The following HDC variants were observed in gnomAD, a reference collection of about 807,000 sequenced individuals.
HDC encodes histidine decarboxylase.
A neutral mutation model predicts 64.4 loss-of-function variants in HDC; 27 were observed. The ratio of observed to expected loss-of-function variants is 0.42; its 90% CI spans 0.31 to 0.58. HDC has a LOEUF of 0.58. Among genes scored for constraint, HDC ranks in the 20% least tolerant of loss-of-function variants. The pLI is 0.16. For synonymous variants in HDC, 305 were observed against 314.2 expected (o/e 0.97, Z 0.31); for missense variants, 711 against 833.9 (o/e 0.85, Z 1.81).
intron 9 of HDC, among the ~76,000 whole-genome samples, chr15:50,249,780 C>T (rs562661586): frequency 6.6e-6 from 1 of 152,334 alleles, no homozygotes; most frequent in East Asian, 1.9e-4. Flanking sequence ...GAGAGAGCTA[C>T]TTTATTTTAC....
chr15:50,265,670 G>T lies in HDC; in HGVS notation c.-47C>A. 2 of 1,602,416 alleles carry T rather than the reference G, an allele frequency of 1.2e-6. No homozygotes were observed. Among genetic ancestry groups the T allele is most frequent in the South Asian group, 2.2e-5 (2 of 90,684 alleles). On this transcript the variant is annotated 5_prime_UTR_variant, in exon 1 of 12. Coordinates refer to ENST00000267845, the MANE Select transcript of HDC (RefSeq NM_002112.4). ...TCTCACAGATGGACACGCAGGAGGT[G>T]GAAGGCGTGAAAGGCGTGGAGCAGC...
chr15:50,254,987 C>T lies in HDC; in HGVS notation c.442-323G>A, dbSNP rs148722077. The stretch of plus-strand genomic sequence containing the variant: ...CTGTCCCTCCTGGATGTGTTTGCTC[C>T]CCATGTAAAACATATTTAAAAGAAG... On this transcript the variant is annotated intron_variant, in intron 4 of 11. Coordinates refer to ENST00000267845, the MANE Select transcript of HDC (RefSeq NM_002112.4). Among the ~76,000 whole-genome samples, 115 of 152,230 alleles carry T rather than the reference C, an allele frequency of 7.6e-4. 2 individuals carry two copies. The East Asian group carries it at 0.019, about 25-fold the overall frequency.
intron 10 of HDC, among the ~76,000 whole-genome samples, chr15:50,243,665 T>G (rs2045435461): frequency 6.6e-6 from 1 of 152,252 alleles, no homozygotes. Context: ...AAGGAAGAGA[T>G]GCCTGTTTGT....
At chr15:50,262,114 C>A (rs2045712263) in intron 2 of HDC, among the ~76,000 whole-genome samples, 2 of 151,922 alleles carry the variant, frequency 1.3e-5, no homozygotes, top group South Asian at 4.1e-4. Context: ...CACAAATGCC[C>A]CAAGCAGGGA....
At chr15:50,255,733 G>GATCC (rs2045621422) in intron 4 of HDC, among the ~76,000 whole-genome samples, 1 of 152,188 alleles carries the variant, frequency 6.6e-6, no homozygotes, top group Non-Finnish European at 1.5e-5. Flanking sequence ...CCAGGAGATG[G>GATCC]AGGCTGCAGT....
intron 1 of HDC, 139 bp downstream of exon 1, chr15:50,265,454 A>T (rs1421703490): frequency 9.1e-6 from 7 of 768,288 alleles, no homozygotes; most frequent in East Asian, 2.6e-5. Flanking sequence ...CAGAAAAAAA[A>T]ATGTTGCTGG....
chr15:50,253,362 C>T (rs1299079076), intron 7 of HDC: 10 of 579,778 alleles, frequency 1.7e-5, no homozygotes, highest in African/African-American at 5.6e-5. Flanking sequence ...CTCCTACTGT[C>T]GCCTCCTAGG....
At chr15:50,247,450 G>C (rs1009855216) in intron 10 of HDC, among the ~76,000 whole-genome samples, 1 of 152,028 alleles carries the variant, frequency 6.6e-6, no homozygotes, top group Non-Finnish European at 1.5e-5. Context: ...ATTTTGGTTT[G>C]TGTTTGTTTA....
intron 11 of HDC, 36 bp downstream of exon 11, chr15:50,243,107 A>G (rs527602471): frequency 1.2e-6 from 2 of 1,611,150 alleles, no homozygotes; most frequent in East Asian, 2.2e-5. Context: ...GCACCACAAG[A>G]CATCATTCAC....
intron 9 of HDC, 64 bp downstream of exon 9, chr15:50,252,366 T>C: frequency 7.7e-7 from 1 of 1,303,896 alleles, no homozygotes; most frequent in Non-Finnish European, 1.1e-6. Flanking sequence ...TTTTGGGGGG[T>C]CAGACGCCTA....
At position 50,254,230 on chromosome 15, in the gene HDC, T is replaced by G; in HGVS notation, c.620A>C (p.Lys207Thr). The G allele has an allele frequency of 6.2e-7, 1 of 1,614,212 alleles. No individual in the cohort carries two copies. The highest frequency in any genetic ancestry group is 1.1e-5 in the South Asian group (1 of 91,086). Residue 207 changes from lysine (K) to threonine (T), a missense_variant, in exon 6 of 12, where the codon AAG becomes ACG. Coordinates refer to ENST00000267845, the MANE Select transcript of HDC (RefSeq NM_002112.4). ...VEKAGLISLVKMKFLPVDDNF... is the reference protein window; with the variant it reads ...VEKAGLISLVTMKFLPVDDNF... ...GTCATCCACAGGCAGAAATTTCATCTTCACAAGGGAAATCAAACCAGCCTT... is the reference window on the plus strand; with the variant it reads ...GTCATCCACAGGCAGAAATTTCATCGTCACAAGGGAAATCAAACCAGCCTT...
chr15:50,242,743 A>G lies in HDC; in HGVS notation c.1506T>C (p.Cys502=). ...CACTGACAGACTGAAGGGACGTTCCACAGGCCCAGGCTCTGGCACCCCTGA... is the reference window on the plus strand; with the variant it reads ...CACTGACAGACTGAAGGGACGTTCCGCAGGCCCAGGCTCTGGCACCCCTGA... ...SQIRGARAWA[C]GTSLQSVSGA... The change falls in exon 12 of 12, where the codon TGT becomes TGC. Residue 502 remains cysteine, a synonymous_variant. Coordinates refer to ENST00000267845, the MANE Select transcript of HDC (RefSeq NM_002112.4). The G allele has an allele frequency of 6.2e-7, 1 of 1,613,996 alleles. No homozygotes were observed. Among genetic ancestry groups the G allele is most frequent in the Non-Finnish European group, 8.5e-7 (1 of 1,180,014 alleles).
intron 2 of HDC, among the ~76,000 whole-genome samples, chr15:50,260,879 C>G (rs563365267): frequency 6.6e-6 from 1 of 152,056 alleles, no homozygotes; most frequent in East Asian, 1.9e-4. Context: ...ATTGTCTAAC[C>G]AGGGTTGGAA....
At position 50,258,500 on chromosome 15, in the gene HDC, G is replaced by C. The variant is rs777030044; in HGVS notation, c.222C>G (p.Ser74Arg). ...IIMPGVVHWQ[S>R]PHMHAYYPAL... ...CTGGGTAGTAGGCGTGCATATGGGG[G>C]CTCTGCCAATGTACCACCTGGAGGC... The change falls in exon 3 of 12, where the codon AGC (serine) becomes AGG (arginine). Residue 74 changes from serine (S) to arginine (R), a missense_variant. Ser to Arg is a moderately radical substitution (Grantham distance 110). This residue lies in a region of HDC where 225 missense variants were observed against 276.2 expected (regional missense o/e 0.81). Coordinates refer to ENST00000267845, the MANE Select transcript of HDC (RefSeq NM_002112.4). 6.2e-7 allele frequency: 1 copy of C among 1,611,682 alleles called. No individual in the cohort carries two copies. The highest frequency in any genetic ancestry group is 8.5e-7 in the Non-Finnish European group (1 of 1,177,904).
intron 3 of HDC, among the ~76,000 whole-genome samples, chr15:50,258,139 T>C (rs1216953706): frequency 6.6e-6 from 1 of 152,226 alleles, no homozygotes; most frequent in African/African-American, 2.4e-5. Flanking sequence ...GTCTTATCTG[T>C]GTCTCTATGA....
intron 4 of HDC, among the ~76,000 whole-genome samples, chr15:50,254,937 C>G (rs1220018539): frequency 6.6e-6 from 1 of 152,132 alleles, no homozygotes; most frequent in Non-Finnish European, 1.5e-5. Flanking sequence ...ATTACAGAGG[C>G]CACAGAAACC....
At chr15:50,263,182 C>G (rs998168048) in intron 2 of HDC, 53 bp downstream of exon 2, 66 of 1,580,946 alleles carry the variant, frequency 4.2e-5, no homozygotes, top group Non-Finnish European at 5.2e-5. Context: ...GGCCACCACC[C>G]ACCCTTCTGT....
chr15:50,256,047 G>A (rs759621852), intron 4 of HDC, among the ~76,000 whole-genome samples: 12 of 152,162 alleles, frequency 7.9e-5, no homozygotes, highest in African/African-American at 2.2e-4. Flanking sequence ...TCGTTCTTCC[G>A]CTTATCAGCT....
Position 50,242,521 on chromosome 15 carries a change from C to A in HDC, c.1728G>T (p.Gln576His), listed in dbSNP as rs2045410113. The A allele has an allele frequency of 1.2e-6, 2 of 1,614,074 alleles. No homozygotes were observed. Among genetic ancestry groups the A allele is most frequent in the African/African-American group, 2.7e-5 (2 of 74,926 alleles). Residue 576 changes from glutamine to histidine, a missense_variant, in exon 12 of 12, where the codon CAG (glutamine) becomes CAT (histidine). By Grantham distance (24) the Gln-to-His change is conservative. Transcript: ENST00000267845. ...GGGAGCGCACCGTCTTCTTCTTAGT[C>A]TGCACAGACAAGTAACTGAACAGGA... ...SSFLFSYLSV[Q>H]TKKKTVRSLS... is the part of the protein sequence containing the mutation.
Sources: allele counts gnomAD v4.1 joint callset (sites outside exome capture counted in the v4.1 genomes callset), GRCh38; gene constraint gnomAD v4.1.1; regional missense constraint gnomAD v4.1.1; transcripts MANE v1.5; gene names NCBI Gene and HGNC (gene_info 2026-07-23, HGNC 2026-07-21).